CNTNAP2: variants seen among roughly 807,000 people sequenced by gnomAD.
CNTNAP2 encodes contactin-associated protein-like 2.
In CNTNAP2, 98 loss-of-function variants were observed where a neutral mutation model predicts 155.2. The ratio of observed to expected loss-of-function variants is 0.63; its 90% CI spans 0.54 to 0.75. The LOEUF is 0.75. Ranked by LOEUF, CNTNAP2 falls within the 30% of genes least tolerant of loss-of-function variation. The pLI, the probability that CNTNAP2 is intolerant of heterozygous loss-of-function variation, is 0.00. For missense variants in CNTNAP2, 1,727 were observed against 1,688.1 expected (o/e 1.02, Z -0.40); for synonymous variants, 651 against 631.2 (o/e 1.03, Z -0.47).
intron 1 of CNTNAP2, among the ~76,000 whole-genome samples, chr7:146,392,385 T>C (rs999493542): frequency 1.6e-4 from 25 of 151,542 alleles, no homozygotes; most frequent in African/African-American, 5.9e-4. Flanking sequence ...AAACCCAAAA[T>C]TGGAATGTGC....
At chr7:146,740,526 C>A (rs1425856312) in intron 1 of CNTNAP2, among the ~76,000 whole-genome samples, 1 of 152,104 alleles carries the variant, frequency 6.6e-6, no homozygotes, top group Non-Finnish European at 1.5e-5. Flanking sequence ...CTTTGTACTT[C>A]TATGTCAAAG....
chr7:147,607,556 C>T (rs928351053), intron 12 of CNTNAP2, among the ~76,000 whole-genome samples: 8 of 152,120 alleles, frequency 5.3e-5, no homozygotes, highest in Admixed American at 2.0e-4. Context: ...TAACACAGCC[C>T]GCAGTGCCCC....
rs568698972 is a variant in CNTNAP2 at position 148,206,609 on chromosome 7, G to A, written c.3011-10679G>A. Reference sequence around the variant, plus strand: ...TTATGTCCAACATCCTCCCGCTGTCGTTCCTGACGCTGACTGCACATTAGA... The same window carrying A: ...TTATGTCCAACATCCTCCCGCTGTCATTCCTGACGCTGACTGCACATTAGA... On this transcript the variant is annotated intron_variant, in intron 18 of 23. Transcript: ENST00000361727. 3.1e-3 allele frequency among the ~76,000 whole-genome samples: 470 copies of A among 152,260 alleles called. 3 individuals are homozygous for A. Among genetic ancestry groups the A allele is most frequent in the Non-Finnish European group, 5.3e-3 (358 of 68,030 alleles).
intron 1 of CNTNAP2, among the ~76,000 whole-genome samples, chr7:146,632,952 A>C (rs1585016154): frequency 1.3e-5 from 2 of 151,984 alleles, no homozygotes; most frequent in South Asian, 4.1e-4. Flanking sequence ...CAAAAAAAAA[A>C]ATACAAAATA....
intron 3 of CNTNAP2, among the ~76,000 whole-genome samples, chr7:146,983,695 A>G (rs143568388): frequency 1.3e-5 from 2 of 152,168 alleles, no homozygotes; most frequent in Non-Finnish European, 2.9e-5. Flanking sequence ...AGTGTGCTGC[A>G]TTCTCCTGTC....
At chr7:147,789,044 A>T (rs1460833646) in intron 13 of CNTNAP2, among the ~76,000 whole-genome samples, 1 of 150,926 alleles carries the variant, frequency 6.6e-6, no homozygotes, top group Non-Finnish European at 1.5e-5. Context: ...AGCTGGGATT[A>T]CAGGCATGCA....
At chr7:147,296,489 C>A (rs535734595) in intron 8 of CNTNAP2, among the ~76,000 whole-genome samples, 1 of 152,218 alleles carries the variant, frequency 6.6e-6, no homozygotes, top group African/African-American at 2.4e-5. Context: ...CTGTGTTGTT[C>A]TTCAGAATAT....
At chr7:146,550,399 C>CTTTTTTTTTT (rs1584977002) in intron 1 of CNTNAP2, among the ~76,000 whole-genome samples, 1 of 31,560 alleles carries the variant, frequency 3.2e-5, no homozygotes, top group African/African-American at 2.2e-4. Context: ...GTCCATTAAT[C>CTTTTTTTTTT]TGTTTTTTTT....
intron 11 of CNTNAP2, among the ~76,000 whole-genome samples, chr7:147,488,427 T>G (rs1563224297): frequency 1.3e-5 from 2 of 152,188 alleles, no homozygotes; most frequent in African/African-American, 2.4e-5. Flanking sequence ...TGCAGTTGCT[T>G]ATTCTGTATT....
intron 14 of CNTNAP2, among the ~76,000 whole-genome samples, chr7:147,969,660 C>T (rs867289695): frequency 1.3e-5 from 2 of 152,074 alleles, no homozygotes; most frequent in Non-Finnish European, 2.9e-5. Context: ...AGAGAGGATA[C>T]AGAAAGATGG....
chr7:146,617,013 G>GTTTTTTTT (rs202142671), intron 1 of CNTNAP2, among the ~76,000 whole-genome samples: 78 of 113,114 alleles, frequency 6.9e-4, no homozygotes, highest in Middle Eastern at 9.2e-3. Flanking sequence ...AGGAAACCTG[G>GTTTTTTTT]TTTTTTTGTT....
At chr7:147,674,731 A>G (rs1795841266) in intron 13 of CNTNAP2, among the ~76,000 whole-genome samples, 1 of 152,142 alleles carries the variant, frequency 6.6e-6, no homozygotes, top group Non-Finnish European at 1.5e-5. Context: ...TTTATTCCTT[A>G]TTACAATATA....
At chr7:147,350,512 A>G (rs1226911417) in intron 9 of CNTNAP2, among the ~76,000 whole-genome samples, 1 of 151,868 alleles carries the variant, frequency 6.6e-6, no homozygotes, top group Admixed American at 6.6e-5. Context: ...GCAAAATCCT[A>G]TGTATTCAAA....
At chr7:146,304,666 T>C (rs992078574) in intron 1 of CNTNAP2, among the ~76,000 whole-genome samples, 9 of 152,180 alleles carry the variant, frequency 5.9e-5, no homozygotes, top group Non-Finnish European at 1.2e-4. Flanking sequence ...CTTCCCTTTG[T>C]GGGTAACCTG....
intron 11 of CNTNAP2, among the ~76,000 whole-genome samples, chr7:147,514,471 C>T (rs1799080252): frequency 6.6e-6 from 1 of 151,678 alleles, no homozygotes; most frequent in African/African-American, 2.4e-5. Flanking sequence ...GTTTTTCAAG[C>T]TTTTTAACAT....
chr7:146,974,385 C>T (rs1797864613), intron 3 of CNTNAP2, among the ~76,000 whole-genome samples: 1 of 151,632 alleles, frequency 6.6e-6, no homozygotes, highest in African/African-American at 2.4e-5. Flanking sequence ...TTGCAGTGAG[C>T]CGAGATCATG....
chr7:146,540,598 T>C lies in CNTNAP2; in HGVS notation c.98-233673T>C. 1.3e-5 allele frequency among the ~76,000 whole-genome samples: 2 copies of C among 151,922 alleles called. 1 individual carries two copies. The highest frequency in any genetic ancestry group is 2.9e-5 in the Non-Finnish European group (2 of 67,970). On this transcript the variant is annotated intron_variant, in intron 1 of 23. Coordinates refer to ENST00000361727, the MANE Select transcript of CNTNAP2 (RefSeq NM_014141.6). ...TTTTATTTCTTTTCTGGCCTATGAGTCCCAAAATGTGGCATAGATATTGAC... is the reference window on the plus strand; with the variant it reads ...TTTTATTTCTTTTCTGGCCTATGAGCCCCAAAATGTGGCATAGATATTGAC...
intron 1 of CNTNAP2, among the ~76,000 whole-genome samples, chr7:146,372,677 G>T (rs1795252702): frequency 6.6e-6 from 1 of 152,156 alleles, no homozygotes; most frequent in Non-Finnish European, 1.5e-5. Flanking sequence ...TACCCTAAAT[G>T]AAGACCAGGA....
At chr7:148,384,119 T>C (rs1799136111) in intron 22 of CNTNAP2, among the ~76,000 whole-genome samples, 1 of 152,208 alleles carries the variant, frequency 6.6e-6, no homozygotes, top group Admixed American at 6.5e-5. Context: ...AAGTATTAAC[T>C]CTTCAATTAG....
Sources: allele counts gnomAD v4.1 joint callset (sites outside exome capture counted in the v4.1 genomes callset), GRCh38; gene constraint gnomAD v4.1.1; transcripts MANE v1.5; gene names NCBI Gene and HGNC (gene_info 2026-07-23, HGNC 2026-07-21).